The following PARP11 variants were observed in gnomAD, a reference collection of about 807,000 sequenced individuals.
PARP11 encodes poly(ADP-ribose) polymerase family member 11, also known as protein mono-ADP-ribosyltransferase PARP11.
A neutral mutation model predicts 42.9 loss-of-function variants in PARP11; 31 were observed. The observed-to-expected ratio is 0.72, with a 90% CI of 0.54 to 0.98. The LOEUF (loss-of-function observed/expected upper bound fraction) is 0.98. Ranked by LOEUF, PARP11 falls within the 50% of genes least tolerant of loss-of-function variation. The probability of loss-of-function intolerance (pLI) is 0.00; values close to 1 mark genes in which losing one functional copy is unlikely to be tolerated. For missense variants in PARP11, 365 were observed against 413.1 expected (o/e 0.88, Z 1.01); for synonymous variants, 137 against 127.3 (o/e 1.08, Z -0.51).
rs1455880677 is a variant in PARP11 at position 3,822,235 on chromosome 12, C to CT, written c.345-79dup. ...TCAAGAACTTAGCCCTTCTTCAAAG[C>CT]TTAATTTTCATTTTCAGGGTATTGT... On this transcript the variant is annotated intron_variant, in intron 4 of 7. Coordinates refer to ENST00000228820, the MANE Select transcript of PARP11 (RefSeq NM_020367.6). 7.5e-6 allele frequency: 8 copies of CT among 1,068,950 alleles called. No homozygotes were observed. In the Admixed American group the frequency reaches 1.7e-4, roughly 23 times the overall value. The allele number at this position is 1,068,950 out of a possible 1,614,324, so 66.2% of individuals were successfully genotyped here. A position where few individuals can be genotyped will look rare whatever the true frequency, so the allele number is the denominator to read the frequency against.
intron 1 of PARP11, among the ~76,000 whole-genome samples, chr12:3,860,387 CA>C (rs1948275997): frequency 6.6e-6 from 1 of 152,148 alleles, no homozygotes; most frequent in South Asian, 2.1e-4. Context: ...CTTGGTTCAA[CA>C]AAAGAAGGGA....
Position 3,828,087 on chromosome 12 carries a change from T to C in PARP11, c.268+823A>G, listed in dbSNP as rs139605577. ...GCTGATTTCCAGATTATCTGGCTAA[T>C]CTGTGGAAGAGCCAAATCAATCAGA... On this transcript the variant is annotated intron_variant, in intron 3 of 7. Coordinates refer to ENST00000228820, the MANE Select transcript of PARP11 (RefSeq NM_020367.6). 2.6e-4 allele frequency among the ~76,000 whole-genome samples: 40 copies of C among 152,300 alleles called. No individual in the cohort carries two copies. In the East Asian group the frequency reaches 5.8e-3, roughly 22 times the overall value.
At chr12:3,836,623 T>C (rs1947768492) in intron 1 of PARP11, among the ~76,000 whole-genome samples, 1 of 152,228 alleles carries the variant, frequency 6.6e-6, no homozygotes, top group South Asian at 2.1e-4. Flanking sequence ...AACCAATACA[T>C]GAACTGCCAG....
At chr12:3,848,917 C>A (rs575927828) in intron 1 of PARP11, among the ~76,000 whole-genome samples, 2 of 147,790 alleles carry the variant, frequency 1.4e-5, no homozygotes, top group Admixed American at 1.4e-4. Flanking sequence ...ACAATGGATT[C>A]ATAATAATAA....
intron 6 of PARP11, 22 bp from the exon 7 acceptor site, chr12:3,814,210 A>G (rs1189074644): frequency 6.5e-7 from 1 of 1,534,964 alleles, no homozygotes; most frequent in Non-Finnish European, 8.8e-7. Flanking sequence ...ATATACACAG[A>G]CACAAAAGCA....
At chr12:3,864,579 A>G (rs980785356) in intron 1 of PARP11, among the ~76,000 whole-genome samples, 1 of 152,208 alleles carries the variant, frequency 6.6e-6, no homozygotes, top group Non-Finnish European at 1.5e-5. Flanking sequence ...GCAAATTCAA[A>G]TTATTTAACA....
chr12:3,815,198 TC>T (rs1209161232), intron 6 of PARP11: 1 of 404,298 alleles, frequency 2.5e-6, no homozygotes, highest in Non-Finnish European at 5.0e-6. Context: ...AAGAATCCCC[TC>T]CCCCGGCTTC....
intron 1 of PARP11, among the ~76,000 whole-genome samples, chr12:3,853,385 G>A (rs1187854129): frequency 2.0e-5 from 3 of 152,158 alleles, no homozygotes; most frequent in East Asian, 3.8e-4. Context: ...GCATTCAGGA[G>A]ACCCATCTCA....
At chr12:3,838,948 G>C (rs1376855188) in intron 1 of PARP11, among the ~76,000 whole-genome samples, 4 of 152,070 alleles carry the variant, frequency 2.6e-5, no homozygotes, top group Non-Finnish European at 4.4e-5. Context: ...GAGGAAACTT[G>C]TGGGGGCGGC....
At chr12:3,851,265 C>T (rs150770671) in intron 1 of PARP11, among the ~76,000 whole-genome samples, 8 of 152,264 alleles carry the variant, frequency 5.3e-5, no homozygotes, top group Admixed American at 3.3e-4. Context: ...GGTTGGGCAG[C>T]GGGTGCAGCC....
chr12:3,818,190 T>A (rs892256207), intron 6 of PARP11, among the ~76,000 whole-genome samples: 1 of 152,134 alleles, frequency 6.6e-6, no homozygotes, highest in African/African-American at 2.4e-5. Context: ...TACCCCATTT[T>A]CCACAGTAGC....
chr12:3,855,661 G>A (rs1948176576), intron 1 of PARP11, among the ~76,000 whole-genome samples: 2 of 152,150 alleles, frequency 1.3e-5, no homozygotes, highest in Non-Finnish European at 1.5e-5. Context: ...CCATGCTCAT[G>A]GATAGGAAGA....
intron 4 of PARP11, 79 bp from the exon 5 acceptor site, chr12:3,822,236 T>C: frequency 9.7e-6 from 10 of 1,035,994 alleles, no homozygotes; most frequent in Non-Finnish European, 1.5e-5. Context: ...TCTTCAAAGC[T>C]TAATTTTCAT....
Position 3,860,008 on chromosome 12 carries a change from T to C in PARP11, c.18+13204A>G, listed in dbSNP as rs1948268528. On this transcript the variant is annotated intron_variant, in intron 1 of 7. Coordinates refer to ENST00000228820, the MANE Select transcript of PARP11 (RefSeq NM_020367.6). ...AGTGGCCTGGGTCCTCCTGACTGCT[T>C]AAATAGAACGCAAGAAGAGAGAATG... 2.0e-5 allele frequency among the ~76,000 whole-genome samples: 3 copies of C among 152,144 alleles called. No homozygotes were observed. The South Asian group carries it at 6.2e-4, about 31-fold the overall frequency.
chr12:3,839,577 G>GC (rs1168793454), intron 1 of PARP11: 3 of 1,398,126 alleles, frequency 2.1e-6, no homozygotes, highest in Non-Finnish European at 3.0e-6. Context: ...GATATTTAAA[G>GC]CGCTTGGAAA....
At position 3,826,160 on chromosome 12, in the gene PARP11, GA is replaced by G. The variant is rs1408644991; in HGVS notation, c.341del (p.Phe114SerfsTer19). On this transcript the variant is annotated frameshift_variant, in exon 4 of 8. Transcript: ENST00000228820. LOFTEE classifies it high-confidence loss of function. Reference protein sequence around the residue: ...IKRAPFSISAFSYICENEAIP... With the variant: ...IKRAPFSISAXSYICENEAIP... ...CACCCCTATTCTCTTTACCATACCT[GA>G]AAGCACTGATAGAAAAGGGGGCTCT... is the stretch of plus-strand genomic sequence containing the variant. The G allele has an allele frequency of 1.3e-6, 2 of 1,580,662 alleles. No homozygotes were observed. The highest frequency in any genetic ancestry group is 1.7e-6 in the Non-Finnish European group (2 of 1,165,514).
chr12:3,861,727 T>C lies in PARP11; in HGVS notation c.18+11485A>G, dbSNP rs1008611374. On this transcript the variant is annotated intron_variant, in intron 1 of 7. Transcript: ENST00000228820. The surrounding 1 kb of genome is among the most constrained non-coding windows in gnomAD (Gnocchi z 4.6). ...TCGATCATAGTCCTGGCATTGTAGC[T>C]AAAAAGAATCTTTGTGGCCAGGCGT... Among the ~76,000 whole-genome samples, 2 of 152,120 alleles carry C rather than the reference T, an allele frequency of 1.3e-5. No homozygotes were observed. The highest frequency in any genetic ancestry group is 2.9e-5 in the Non-Finnish European group (2 of 68,014).
intron 1 of PARP11, chr12:3,872,668 C>T (rs1413757147): frequency 3.0e-6 from 3 of 985,272 alleles, no homozygotes; most frequent in Non-Finnish European, 3.6e-6. Flanking sequence ...TCCTCTTAGG[C>T]CCATTCAAGA....
At chr12:3,841,888 G>C in intron 1 of PARP11, 1 of 1,607,964 alleles carries the variant, frequency 6.2e-7, no homozygotes, top group Non-Finnish European at 8.5e-7. Context: ...TTGTGGTTCA[G>C]TTTCCACAGT....
Sources: allele counts gnomAD v4.1 joint callset (sites outside exome capture counted in the v4.1 genomes callset), GRCh38; gene constraint gnomAD v4.1.1; non-coding constraint Gnocchi (gnomAD v3.1); transcripts MANE v1.5; gene names NCBI Gene and HGNC (gene_info 2026-07-23, HGNC 2026-07-21).